KIAA1217: variants seen among roughly 807,000 people sequenced by gnomAD.
The protein encoded by KIAA1217 is sickle tail protein homolog.
Under a neutral mutation model 163.9 loss-of-function variants are expected in KIAA1217, and 88 were observed. The observed-to-expected ratio is 0.54, with a 90% CI of 0.45 to 0.64. The LOEUF is 0.64. Among genes scored for constraint, KIAA1217 ranks in the 30% least tolerant of loss-of-function variants. The pLI is 0.00. For missense variants in KIAA1217, 2,372 were observed against 2,475.0 expected, an observed-to-expected ratio of 0.96 and a Z score of 0.88; for synonymous variants, 903 against 923.1, an observed-to-expected ratio of 0.98 and a Z score of 0.39.
intron 2 of KIAA1217, among the ~76,000 whole-genome samples, chr10:24,041,870 G>A (rs890373096): frequency 6.6e-6 from 1 of 151,984 alleles, no homozygotes; most frequent in African/African-American, 2.4e-5. Context: ...TACCTGAGTG[G>A]GTGGGATAAT....
chr10:24,493,844 G>A (rs1182602091), intron 6 of KIAA1217, among the ~76,000 whole-genome samples: 19 of 152,174 alleles, frequency 1.2e-4, no homozygotes, highest in Admixed American at 1.2e-3. Flanking sequence ...CTTGGTAGCA[G>A]AGACAGGGTT....
intron 17 of KIAA1217, among the ~76,000 whole-genome samples, chr10:24,542,047 G>A (rs777509843): frequency 2.0e-5 from 3 of 152,190 alleles, no homozygotes; most frequent in Non-Finnish European, 4.4e-5. Context: ...GACACCTGCA[G>A]TACAAACTGC....
intron 2 of KIAA1217, among the ~76,000 whole-genome samples, chr10:24,181,928 A>C (rs2066188744): frequency 6.6e-6 from 1 of 152,190 alleles, no homozygotes; most frequent in Non-Finnish European, 1.5e-5. Flanking sequence ...TTCAGGTGGA[A>C]CATGCCTGTT....
chr10:24,207,134 C>T (rs2067595583), upstream of KIAA1217, among the ~76,000 whole-genome samples: 1 of 152,136 alleles, frequency 6.6e-6, no homozygotes, highest in African/African-American at 2.4e-5. Flanking sequence ...GGGTTTTTGC[C>T]TTTGTGCTAC....
chr10:23,706,333 TC>T (rs1836881640), intron 1 of KIAA1217, among the ~76,000 whole-genome samples: 1 of 152,154 alleles, frequency 6.6e-6, no homozygotes, highest in Admixed American at 6.6e-5. Context: ...CAGGTGGACA[TC>T]CTTGTCTTGT....
chr10:23,964,225 G>A (rs1844952992), intron 1 of KIAA1217, among the ~76,000 whole-genome samples: 1 of 151,412 alleles, frequency 6.6e-6, no homozygotes, highest in South Asian at 2.1e-4. Context: ...TCATATGTTT[G>A]TTGGCTGCAT....
At chr10:23,746,645 G>A (rs551669582) in intron 1 of KIAA1217, among the ~76,000 whole-genome samples, 23 of 152,088 alleles carry the variant, frequency 1.5e-4, no homozygotes, top group South Asian at 6.2e-4. Flanking sequence ...GGATGGTCCC[G>A]ATCTCCTGAC....
chr10:23,825,789 T>A (rs947302726), intron 1 of KIAA1217, among the ~76,000 whole-genome samples: 1 of 152,052 alleles, frequency 6.6e-6, no homozygotes, highest in African/African-American at 2.4e-5. Context: ...GATTTTTGAG[T>A]CATGCAGACT....
In KIAA1217 at chr10:24,473,319, C is replaced by G; in HGVS notation, c.938C>G (p.Ser313Cys). The G allele has an allele frequency of 6.4e-7, 1 of 1,562,830 alleles. No homozygotes were observed. The highest frequency in any genetic ancestry group is 8.7e-7 in the Non-Finnish European group (1 of 1,154,468). The change falls in exon 6 of 21, where the codon TCC (serine) becomes TGC (cysteine). Residue 313 changes from serine to cysteine, a missense_variant. Ser to Cys is a moderately radical substitution (Grantham distance 112). Transcript: ENST00000376454. Reference sequence around the variant, plus strand: ...CATCCACCCCATGCGATTCCAAATTCCCCACCGTCTACTCCAGTGCCCCAT... The same window carrying G: ...CATCCACCCCATGCGATTCCAAATTGCCCACCGTCTACTCCAGTGCCCCAT... The part of the protein sequence containing the change: ...TAHPPHAIPN[S>C]PPSTPVPHSM...
At chr10:23,700,638 C>G (rs1244432167) in intron 1 of KIAA1217, among the ~76,000 whole-genome samples, 1 of 152,186 alleles carries the variant, frequency 6.6e-6, no homozygotes, top group Non-Finnish European at 1.5e-5. Context: ...TCCAATAACA[C>G]ACCACACTTG....
intron 1 of KIAA1217, among the ~76,000 whole-genome samples, chr10:23,779,289 A>T (rs1460796545): frequency 6.6e-6 from 1 of 152,132 alleles, no homozygotes; most frequent in Non-Finnish European, 1.5e-5. Context: ...CTTATGACAA[A>T]ATGTCATTAT....
Position 24,543,702 on chromosome 10 carries a change from G to A in KIAA1217, c.4432G>A (p.Glu1478Lys). 3.1e-6 allele frequency: 5 copies of A among 1,613,860 alleles called. No homozygotes were observed. The highest frequency in any genetic ancestry group is 4.2e-6 in the Non-Finnish European group (5 of 1,179,794). Residue 1478 changes from glutamate (E) to lysine (K), a missense_variant, in exon 19 of 21, where the codon GAA becomes AAA. Physicochemically the swap from Glu to Lys is moderately conservative, Grantham distance 56. Around this residue, in one of 3 missense-constraint regions of KIAA1217, gnomAD observed 690 missense variants for 677.5 expected, o/e 1.02. Transcript: ENST00000376454. ...DEELERMMME[E>K]KIEEEEEEEN... ...GGAATTAGAGAGAATGATGATGGAG[G>A]AAAAGATAGAGGAGGAGGAAGAGGA... is the stretch of plus-strand genomic sequence containing the variant.
At chr10:23,855,334 A>C (rs1839595398) in intron 1 of KIAA1217, among the ~76,000 whole-genome samples, 1 of 152,132 alleles carries the variant, frequency 6.6e-6, no homozygotes, top group Admixed American at 6.6e-5. Flanking sequence ...AGAATGTTGA[A>C]TATTGGCCCC....
chr10:23,735,509 T>C (rs1838742389), intron 1 of KIAA1217, among the ~76,000 whole-genome samples: 1 of 151,988 alleles, frequency 6.6e-6, no homozygotes, highest in Non-Finnish European at 1.5e-5. Flanking sequence ...TATTTTAATT[T>C]TAAAATTATA....
At chr10:24,387,067 A>T (rs2054110595) in intron 3 of KIAA1217, among the ~76,000 whole-genome samples, 2 of 152,222 alleles carry the variant, frequency 1.3e-5, no homozygotes, top group Admixed American at 1.3e-4. Context: ...GGCTGCTAGC[A>T]TAGAAAATGT....
intron 1 of KIAA1217, among the ~76,000 whole-genome samples, chr10:23,829,889 G>A (rs1354953775): frequency 6.6e-6 from 1 of 152,102 alleles, no homozygotes; most frequent in East Asian, 1.9e-4. Context: ...AGCTCATGTT[G>A]TGAAACTAAA....
intron 1 of KIAA1217, among the ~76,000 whole-genome samples, chr10:23,868,839 C>T (rs1442285388): frequency 6.6e-6 from 1 of 152,020 alleles, no homozygotes; most frequent in Non-Finnish European, 1.5e-5. Context: ...CTATCCTTTC[C>T]CATATTTTTG....
chr10:23,863,500 A>G (rs1023812170), intron 1 of KIAA1217, among the ~76,000 whole-genome samples: 1 of 152,134 alleles, frequency 6.6e-6, no homozygotes, highest in African/African-American at 2.4e-5. Context: ...CTCTTCTGCT[A>G]TGTGAGGATA....
intron 1 of KIAA1217, among the ~76,000 whole-genome samples, chr10:23,743,242 GA>G (rs11446205): frequency 1.3e-3 from 188 of 144,630 alleles, no homozygotes; most frequent in East Asian, 6.3e-3. Context: ...GATGAACTTT[GA>G]AAAAAAAAAA....
Sources: gnomAD v4.1 joint callset for allele counts (sites outside exome capture counted in the v4.1 genomes callset) on GRCh38, gnomAD v4.1.1 for gene constraint, gnomAD v4.1.1 regional missense constraint, MANE v1.5 for transcripts, NCBI Gene and HGNC (gene_info 2026-07-23, HGNC 2026-07-21) for gene names.